The following ATP2B2 variants were observed in gnomAD, a reference collection of about 807,000 sequenced individuals.
ATP2B2 encodes the protein ATPase plasma membrane Ca2+ transporting 2.
In ATP2B2, 15 loss-of-function variants were observed where a neutral mutation model predicts 120.0. The ratio of observed to expected loss-of-function variants is 0.12; its 90% CI spans 0.08 to 0.19. The LOEUF (loss-of-function observed/expected upper bound fraction) is 0.19. Ranked by LOEUF, ATP2B2 falls within the 10% of genes least tolerant of loss-of-function variation. The probability of loss-of-function intolerance (pLI) is 1.00; values close to 1 mark genes in which losing one functional copy is unlikely to be tolerated. For synonymous variants in ATP2B2, 694 were observed against 700.3 expected (o/e 0.99, Z 0.14); for missense variants, 1,045 against 1,719.8 (o/e 0.61, Z 6.94).
rs184964090 is a variant in ATP2B2, at chr3:10,698,820, G to A, written c.-460+9095C>T. 6.0e-4 allele frequency among the ~76,000 whole-genome samples: 91 copies of A among 152,314 alleles called. 2 individuals carry two copies. The highest frequency in any genetic ancestry group is 3.4e-3 in the Middle Eastern group (1 of 294). The stretch of plus-strand genomic sequence containing the variant: ...TTTTGCCACATCCTCTCCAGGCCTC[G>A]CTTTGCTCCTCTGTAAAATGGGGAT... On this transcript the variant is annotated intron_variant, in intron 1 of 21. Coordinates refer to the ATP2B2 transcript ENST00000646379.
chr3:10,444,198 G>A (rs777234301), intron 2 of ATP2B2, among the ~76,000 whole-genome samples: 8 of 152,302 alleles, frequency 5.3e-5, no homozygotes, highest in Non-Finnish European at 7.4e-5. Flanking sequence ...TCCCCATGCC[G>A]ACTCCGTGTC....
intron 2 of ATP2B2, among the ~76,000 whole-genome samples, chr3:10,572,716 C>T (rs570818783): frequency 9.1e-4 from 138 of 152,196 alleles, no homozygotes; most frequent in African/African-American, 2.8e-3. Context: ...AAGGGGCAAA[C>T]GCTCATTCAT....
At chr3:10,543,495 C>G (rs565830004) in intron 2 of ATP2B2, among the ~76,000 whole-genome samples, 5 of 152,290 alleles carry the variant, frequency 3.3e-5, no homozygotes, top group Non-Finnish European at 5.9e-5. Context: ...AGGAATCCAA[C>G]TACCTTCAAG....
intron 1 of ATP2B2, among the ~76,000 whole-genome samples, chr3:10,706,657 G>A (rs1268862949): frequency 1.3e-5 from 2 of 152,138 alleles, no homozygotes; most frequent in African/African-American, 2.4e-5. Flanking sequence ...TACACCAGCT[G>A]GTAGCCAAAA....
chr3:10,686,514 C>T (rs1193881278), intron 1 of ATP2B2, among the ~76,000 whole-genome samples: 2 of 151,956 alleles, frequency 1.3e-5, no homozygotes, highest in Non-Finnish European at 2.9e-5. Context: ...ATTAGCCATG[C>T]GTGGTGGTGG....
intron 2 of ATP2B2, among the ~76,000 whole-genome samples, chr3:10,552,494 G>A (rs10510402): frequency 1.3e-5 from 2 of 152,072 alleles, no homozygotes; most frequent in African/African-American, 2.4e-5. Flanking sequence ...ACACAAACAC[G>A]TTCAAAGTCT....
intron 2 of ATP2B2, among the ~76,000 whole-genome samples, chr3:10,577,964 T>C (rs2068292731): frequency 6.6e-6 from 1 of 152,184 alleles, no homozygotes; most frequent in Non-Finnish European, 1.5e-5. Context: ...GCTCCATGAC[T>C]CTAACTGTGG....
At chr3:10,615,091 G>A (rs554097922) in intron 2 of ATP2B2, among the ~76,000 whole-genome samples, 2 of 152,250 alleles carry the variant, frequency 1.3e-5, no homozygotes, top group East Asian at 3.9e-4. Flanking sequence ...GGGGCTGGTG[G>A]GATCAGAGGC....
intron 2 of ATP2B2, among the ~76,000 whole-genome samples, chr3:10,574,016 T>C (rs1342820843): frequency 6.6e-6 from 1 of 152,000 alleles, no homozygotes; most frequent in Non-Finnish European, 1.5e-5. Flanking sequence ...CGTTCAATTC[T>C]GCTATTTCAA....
Position 10,606,912 on chromosome 3 carries a change from C to CACACACACAGAG in ATP2B2, c.-415+13004_-415+13005insCTCTGTGTGTGT, listed in dbSNP as rs1405755716. Among the ~76,000 whole-genome samples the CACACACACAGAG allele has an allele frequency of 3.0e-3, 190 of 62,550 alleles. 2 individuals are homozygous for CACACACACAGAG. Among genetic ancestry groups the CACACACACAGAG allele is most frequent in the African/African-American group, 8.5e-3 (178 of 21,014 alleles). The allele number at this position is 62,550 out of a possible 152,430, so 41.0% of individuals were successfully genotyped here. On this transcript the variant is annotated intron_variant, in intron 2 of 21. Coordinates refer to the ATP2B2 transcript ENST00000646379. Reference sequence around the variant, plus strand: ...ACACACACACACACACACACACACACAGAGAGAGAGAGAGAGAGAGAGAGA... The same window carrying CACACACACAGAG: ...ACACACACACACACACACACACACACACACACACAGAGAGAGAGAGAGAGAGAGAGAGAGAGA...
intron 2 of ATP2B2, among the ~76,000 whole-genome samples, chr3:10,437,397 A>C (rs1016245863): frequency 2.6e-5 from 4 of 152,250 alleles, no homozygotes; most frequent in African/African-American, 9.6e-5. Context: ...TCACAGACTG[A>C]GTAAACAGAT....
chr3:10,410,262 T>C (rs564123331), intron 3 of ATP2B2, among the ~76,000 whole-genome samples: 6 of 152,218 alleles, frequency 3.9e-5, no homozygotes, highest in Non-Finnish European at 8.8e-5. Flanking sequence ...AAGCAGTATA[T>C]ACTGAACCCA....
At chr3:10,589,963 T>A (rs899247873) in intron 2 of ATP2B2, among the ~76,000 whole-genome samples, 12 of 152,090 alleles carry the variant, frequency 7.9e-5, no homozygotes, top group Middle Eastern at 3.2e-3. Flanking sequence ...AAAACTTATT[T>A]CAAACAAAAA....
At chr3:10,410,959 G>A (rs960979336) in intron 2 of ATP2B2, 144 bp from the exon 3 acceptor site, 2 of 1,012,256 alleles carry the variant, frequency 2.0e-6, no homozygotes, top group Non-Finnish European at 3.0e-6. Flanking sequence ...CATGCTTTGG[G>A]CCCTAAGTTG....
intron 2 of ATP2B2, among the ~76,000 whole-genome samples, chr3:10,577,065 A>G (rs2068270043): frequency 6.6e-6 from 1 of 151,636 alleles, no homozygotes; most frequent in East Asian, 1.9e-4. Flanking sequence ...AAAAAAAAAA[A>G]AAAAAAAAGA....
At chr3:10,435,613 T>C (rs1282194390) in intron 2 of ATP2B2, among the ~76,000 whole-genome samples, 1 of 152,098 alleles carries the variant, frequency 6.6e-6, no homozygotes, top group Non-Finnish European at 1.5e-5. Flanking sequence ...CTATGTTCTT[T>C]TGGGGGACTT....
intron 22 of ATP2B2, chr3:10,332,362 C>T (rs921737834): frequency 1.4e-5 from 5 of 346,090 alleles, no homozygotes; most frequent in African/African-American, 1.0e-4. Context: ...TTTGAAAGAG[C>T]AGGACTTCCA....
chr3:10,634,586 C>T (rs184036198), intron 1 of ATP2B2, among the ~76,000 whole-genome samples: 52 of 152,346 alleles, frequency 3.4e-4, no homozygotes, highest in South Asian at 1.9e-3. Context: ...ATTTTGGGGT[C>T]GCTGTGACAT....
At position 10,632,560 on chromosome 3, in the gene ATP2B2, C is replaced by T. The variant is rs78103485; in HGVS notation, c.-459-12599G>A. On this transcript the variant is annotated intron_variant, in intron 1 of 21. Transcript: ENST00000646379. ...AAATTTCTGGTGAAACGCTCTGAGA[C>T]AAAGTTAATGACTGTGGCAAGCTGG... Among the ~76,000 whole-genome samples the T allele has an allele frequency of 7.3e-3, 1,108 of 152,342 alleles. 12 individuals carry two copies. Among genetic ancestry groups the T allele is most frequent in the Non-Finnish European group, 8.7e-3 (589 of 68,036 alleles).
Sources: gnomAD v4.1 joint callset for allele counts (sites outside exome capture counted in the v4.1 genomes callset) on GRCh38, gnomAD v4.1.1 for gene constraint, MANE v1.5 for transcripts, NCBI Gene and HGNC (gene_info 2026-07-23, HGNC 2026-07-21) for gene names.